Variants in RBMS2 observed in about 807,000 individuals in gnomAD.
The protein encoded by RBMS2 is RNA binding motif single stranded interacting protein 2.
A neutral mutation model predicts 58.4 loss-of-function variants in RBMS2; 38 were observed. That is an observed-to-expected ratio of 0.65 (90% CI 0.50 to 0.85). The LOEUF is 0.85. Ranked by LOEUF, RBMS2 falls within the 40% of genes least tolerant of loss-of-function variation. The pLI, the probability that RBMS2 is intolerant of heterozygous loss-of-function variation, is 0.00. For synonymous variants in RBMS2, 151 were observed against 180.7 expected (o/e 0.84, Z 1.32); for missense variants, 367 against 503.7 (o/e 0.73, Z 2.60).
chr12:56,560,286 T>C (rs1393932629), intron 1 of RBMS2, among the ~76,000 whole-genome samples: 2 of 151,218 alleles, frequency 1.3e-5, no homozygotes, highest in Admixed American at 6.6e-5. Context: ...AGACGGAGTC[T>C]CTTTCTGTTG....
intron 9 of RBMS2, among the ~76,000 whole-genome samples, chr12:56,586,310 T>C (rs1315011013): frequency 1.3e-5 from 2 of 149,850 alleles, no homozygotes; most frequent in African/African-American, 2.5e-5. Flanking sequence ...CCAGCTTGGG[T>C]GACAGAGCAA....
At chr12:56,551,706 C>T (rs965587204) in intron 1 of RBMS2, among the ~76,000 whole-genome samples, 3 of 152,150 alleles carry the variant, frequency 2.0e-5, no homozygotes, top group Non-Finnish European at 4.4e-5. Context: ...TAATTTTAGA[C>T]TTGCAGAATT....
At chr12:56,541,463 T>C (rs893709458) in intron 1 of RBMS2, among the ~76,000 whole-genome samples, 13 of 152,122 alleles carry the variant, frequency 8.5e-5, no homozygotes, top group African/African-American at 2.9e-4. Context: ...AAAAATAATA[T>C]TTGCATAGCT....
At chr12:56,562,851 G>A (rs1013754396) in intron 2 of RBMS2, among the ~76,000 whole-genome samples, 8 of 152,134 alleles carry the variant, frequency 5.3e-5, no homozygotes, top group South Asian at 2.1e-4. Flanking sequence ...GGCCGGGTGC[G>A]GTGGCTCATG....
chr12:56,542,739 AGG>A (rs1876366978), intron 1 of RBMS2, among the ~76,000 whole-genome samples: 1 of 151,354 alleles, frequency 6.6e-6, no homozygotes, highest in Admixed American at 6.6e-5. Flanking sequence ...TTGTAGAGGC[AGG>A]GTCTCCCTGT....
chr12:56,534,569 T>C (rs1874393362), intron 1 of RBMS2, among the ~76,000 whole-genome samples: 1 of 152,196 alleles, frequency 6.6e-6, no homozygotes, highest in South Asian at 2.1e-4. Context: ...TAATTAGGCT[T>C]TTATTCCTAC....
chr12:56,571,521 C>T (rs1438365235), intron 4 of RBMS2, among the ~76,000 whole-genome samples, 177 bp from the exon 5 acceptor site: 2 of 152,278 alleles, frequency 1.3e-5, no homozygotes, highest in East Asian at 1.9e-4. Flanking sequence ...ACTTCTCCCT[C>T]CTGGAACTCA....
At chr12:56,580,529 G>A (rs1033845289) in intron 5 of RBMS2, among the ~76,000 whole-genome samples, 3 of 152,132 alleles carry the variant, frequency 2.0e-5, no homozygotes, top group African/African-American at 7.2e-5. Context: ...CACCGCACCC[G>A]GCGGATCAGA....
chr12:56,530,926 G>A (rs528851801), intron 1 of RBMS2, among the ~76,000 whole-genome samples: 1 of 152,180 alleles, frequency 6.6e-6, no homozygotes, highest in South Asian at 2.1e-4. Context: ...TGGGGTTAAG[G>A]CATGACTGTG....
Position 56,593,329 on chromosome 12 carries a change from T to A in RBMS2, c.*4196T>A, listed in dbSNP as rs1468891373. ...TGCCACCATGCCTGGCTAATTTTTT[T>A]ATTTTTAGTAGAGATGGGGTTTTAC... On this transcript the variant is annotated 3_prime_UTR_variant, in exon 14 of 14. Transcript: ENST00000262031. 6.6e-6 allele frequency: 1 copy of A among 152,004 alleles called. No individual in the cohort carries two copies. Among genetic ancestry groups the A allele is most frequent in the African/African-American group, 2.4e-5 (1 of 41,376 alleles). The allele number at this position is 152,004 out of a possible 1,614,324, so 9.4% of individuals were successfully genotyped here.
intron 1 of RBMS2, among the ~76,000 whole-genome samples, chr12:56,524,281 A>G (rs1407615195): frequency 6.6e-6 from 1 of 152,130 alleles, no homozygotes; most frequent in Non-Finnish European, 1.5e-5. Context: ...GTATTTGTCA[A>G]TTCTTTGGGT....
chr12:56,595,378 T>C lies in RBMS2; in HGVS notation c.*6245T>C, dbSNP rs576246682. On this transcript the variant is annotated 3_prime_UTR_variant, in exon 14 of 14. Coordinates refer to ENST00000262031, the MANE Select transcript of RBMS2 (RefSeq NM_002898.4). The stretch of plus-strand genomic sequence containing the variant: ...GGGTGGGTAAACACCTCTTTGCATG[T>C]GGACAGAAAATGTTTATACTTAAAC... The C allele has an allele frequency of 6.6e-6, 1 of 152,292 alleles. No individual in the cohort carries two copies. The highest frequency in any genetic ancestry group is 2.4e-5 in the African/African-American group (1 of 41,546). 9.4% of individuals were successfully genotyped at this position (152,292 alleles called of 1,614,324 possible). A position where few individuals can be genotyped will look rare whatever the true frequency, so the allele number is the denominator to read the frequency against.
At chr12:56,528,503 T>A (rs1336128480) in intron 1 of RBMS2, among the ~76,000 whole-genome samples, 1 of 152,044 alleles carries the variant, frequency 6.6e-6, no homozygotes, top group Non-Finnish European at 1.5e-5. Flanking sequence ...AAATAGAAAG[T>A]AGGCAAAACA....
At chr12:56,533,388 C>A (rs1044138028) in intron 1 of RBMS2, among the ~76,000 whole-genome samples, 1 of 149,636 alleles carries the variant, frequency 6.7e-6, no homozygotes. Flanking sequence ...AGGTGTGAGC[C>A]GCGGCACCCA....
At chr12:56,585,236 T>C (rs552577811) in intron 9 of RBMS2, among the ~76,000 whole-genome samples, 1 of 152,394 alleles carries the variant, frequency 6.6e-6, no homozygotes, top group South Asian at 2.1e-4. Context: ...GGAATTTATC[T>C]TTGTGTATGG....
Position 56,539,328 on chromosome 12 carries a change from A to G in RBMS2, c.66+17239A>G, listed in dbSNP as rs1449706181. 2.0e-5 allele frequency among the ~76,000 whole-genome samples: 3 copies of G among 152,112 alleles called. No homozygotes were observed. In the East Asian group the frequency reaches 5.8e-4, roughly 29 times the overall value. On this transcript the variant is annotated intron_variant, in intron 1 of 13. Coordinates refer to ENST00000262031, the MANE Select transcript of RBMS2 (RefSeq NM_002898.4). Reference sequence around the variant, plus strand: ...CACTGCGCCCAGCCAGAATTCAGCAATTCTATAAGTCTATGTTTGTGTATT... The same window carrying G: ...CACTGCGCCCAGCCAGAATTCAGCAGTTCTATAAGTCTATGTTTGTGTATT...
chr12:56,524,230 G>C (rs1387008400), intron 1 of RBMS2, among the ~76,000 whole-genome samples: 1 of 152,126 alleles, frequency 6.6e-6, no homozygotes, highest in Non-Finnish European at 1.5e-5. Context: ...GTTGGAATTG[G>C]TTGGGGAGGA....
At position 56,581,261 on chromosome 12, in the gene RBMS2, C is replaced by T; in HGVS notation, c.620C>T (p.Pro207Leu). The change falls in exon 6 of 14, where the codon CCA becomes CTA. Residue 207 changes from proline (P) to leucine (L), a missense_variant and splice_region_variant. This residue lies in a region of RBMS2 where 220 missense variants were observed against 261.1 expected (regional missense o/e 0.84). Coordinates refer to ENST00000262031, the MANE Select transcript of RBMS2 (RefSeq NM_002898.4). ...TATATTAAGACACCCCCTGGAGTAC[C>T]AGGTGAGGCATCTGGGGCTCAGGCT... ...GKYIKTPPGV[P>L]APSDPLLCKF... The T allele has an allele frequency of 6.2e-7, 1 of 1,600,678 alleles. No homozygotes were observed. Among genetic ancestry groups the T allele is most frequent in the Non-Finnish European group, 8.6e-7 (1 of 1,167,782 alleles).
chr12:56,532,671 C>T (rs897509381), intron 1 of RBMS2, among the ~76,000 whole-genome samples: 4 of 152,074 alleles, frequency 2.6e-5, no homozygotes, highest in Non-Finnish European at 5.9e-5. Flanking sequence ...ATCATATATA[C>T]TTGCTGTCTC....
Sources: allele counts gnomAD v4.1 joint callset (sites outside exome capture counted in the v4.1 genomes callset), GRCh38; gene constraint gnomAD v4.1.1; regional missense constraint gnomAD v4.1.1; transcripts MANE v1.5; gene names NCBI Gene and HGNC (gene_info 2026-07-23, HGNC 2026-07-21).